Variants in CSMD3 observed in about 807,000 individuals in gnomAD.
The protein encoded by CSMD3 is CUB and sushi domain-containing protein 3.
A neutral mutation model predicts 435.2 loss-of-function variants in CSMD3; 177 were observed. The ratio of observed to expected loss-of-function variants is 0.41; its 90% CI spans 0.36 to 0.46. CSMD3 has a LOEUF of 0.46. Ranked by LOEUF, CSMD3 falls within the 20% of genes least tolerant of loss-of-function variation. The pLI is 0.34. For synonymous variants in CSMD3, 1,656 were observed against 1,520.5 expected (o/e 1.09, Z -2.07); for missense variants, 4,265 against 4,504.6 (o/e 0.95, Z 1.52).
chr8:112,623,422 T>A (rs1834231630), intron 22 of CSMD3, among the ~76,000 whole-genome samples: 1 of 152,154 alleles, frequency 6.6e-6, no homozygotes, highest in East Asian at 1.9e-4. Flanking sequence ...ATTATGCATT[T>A]TATTCCTAAT....
chr8:112,731,887 T>C (rs540669173), intron 13 of CSMD3, among the ~76,000 whole-genome samples: 1 of 152,286 alleles, frequency 6.6e-6, no homozygotes, highest in South Asian at 2.1e-4. Context: ...AGATATATTA[T>C]ATCAACAGTA....
At chr8:112,875,851 T>C (rs558174170) in intron 10 of CSMD3, among the ~76,000 whole-genome samples, 1 of 152,264 alleles carries the variant, frequency 6.6e-6, no homozygotes, top group South Asian at 2.1e-4. Context: ...CTTCCCTGTA[T>C]TGGGTTAGAA....
chr8:112,704,452 G>A (rs531904428), intron 13 of CSMD3, among the ~76,000 whole-genome samples: 3 of 152,006 alleles, frequency 2.0e-5, no homozygotes, highest in Admixed American at 6.6e-5. Flanking sequence ...CTCTTAGATC[G>A]CAAATTTACA....
chr8:113,258,702 G>T lies in CSMD3; in HGVS notation c.514+19890C>A, dbSNP rs2093403356. Among the ~76,000 whole-genome samples, 3 of 152,250 alleles carry T rather than the reference G, an allele frequency of 2.0e-5. No individual in the cohort carries two copies. In the South Asian group the frequency reaches 6.2e-4, roughly 32 times the overall value. ...AAGCATATGTCTCAAAGGCTTAACGGAGCAGAGGAATATAACGGTTTTGAG... is the reference window on the plus strand; with the variant it reads ...AAGCATATGTCTCAAAGGCTTAACGTAGCAGAGGAATATAACGGTTTTGAG... On this transcript the variant is annotated intron_variant, in intron 3 of 70. Coordinates refer to ENST00000297405, the MANE Select transcript of CSMD3 (RefSeq NM_198123.2).
At chr8:113,329,923 T>C (rs941740688) in intron 1 of CSMD3, among the ~76,000 whole-genome samples, 3 of 152,196 alleles carry the variant, frequency 2.0e-5, no homozygotes, top group East Asian at 3.9e-4. Flanking sequence ...ATCTGAACTG[T>C]CTTACAAGAA....
chr8:113,333,082 T>C (rs1406349872), intron 1 of CSMD3, among the ~76,000 whole-genome samples: 1 of 151,748 alleles, frequency 6.6e-6, no homozygotes, highest in Non-Finnish European at 1.5e-5. Context: ...TAAATTCACA[T>C]TCAAGTATTT....
intron 38 of CSMD3, among the ~76,000 whole-genome samples, chr8:112,355,366 A>G (rs1826495911): frequency 6.6e-6 from 1 of 152,236 alleles, no homozygotes; most frequent in Admixed American, 6.5e-5. Context: ...TAATTAAACT[A>G]CAGAGTTTCT....
intron 13 of CSMD3, among the ~76,000 whole-genome samples, chr8:112,770,987 T>C (rs2078099094): frequency 6.6e-6 from 1 of 151,980 alleles, no homozygotes; most frequent in Non-Finnish European, 1.5e-5. Context: ...AAAAAAATGG[T>C]GGTTGCCTGT....
intron 1 of CSMD3, among the ~76,000 whole-genome samples, chr8:113,375,140 C>A (rs975327631): frequency 3.9e-5 from 6 of 152,072 alleles, no homozygotes; most frequent in Non-Finnish European, 7.4e-5. Flanking sequence ...TGGTGAAAAA[C>A]GATGTCATTC....
At chr8:112,857,297 T>G (rs946796858) in intron 11 of CSMD3, among the ~76,000 whole-genome samples, 1 of 151,760 alleles carries the variant, frequency 6.6e-6, no homozygotes, top group African/African-American at 2.4e-5. Context: ...GAAAATAATT[T>G]GCATTTGTTG....
At chr8:113,359,288 T>C (rs973696635) in intron 1 of CSMD3, among the ~76,000 whole-genome samples, 51 of 152,310 alleles carry the variant, frequency 3.3e-4, no homozygotes, top group African/African-American at 1.2e-3. Flanking sequence ...AGTCATTACA[T>C]CCCAAGTAGG....
At chr8:112,511,384 CTTTTTTTTTTT>C (rs34548150) in intron 28 of CSMD3, among the ~76,000 whole-genome samples, 3 of 72,404 alleles carry the variant, frequency 4.1e-5, no homozygotes, top group East Asian at 3.7e-4. Flanking sequence ...ATTTTCTTTT[CTTTTTTTTTTT>C]TTTTTTTTTT....
chr8:112,535,481 T>C (rs1825981224), intron 27 of CSMD3, among the ~76,000 whole-genome samples: 1 of 151,522 alleles, frequency 6.6e-6, no homozygotes, highest in South Asian at 2.1e-4. Flanking sequence ...GAAGGACCTC[T>C]TCAAGGAGAA....
At chr8:112,632,578 T>A (rs1563790426) in intron 22 of CSMD3, among the ~76,000 whole-genome samples, 1 of 152,054 alleles carries the variant, frequency 6.6e-6, no homozygotes, top group East Asian at 1.9e-4. Context: ...AAACAACATG[T>A]TCTTTCATTA....
At chr8:112,799,409 G>C (rs2078908200) in intron 13 of CSMD3, among the ~76,000 whole-genome samples, 1 of 151,906 alleles carries the variant, frequency 6.6e-6, no homozygotes, top group Non-Finnish European at 1.5e-5. Context: ...CAATAGTAAT[G>C]ATAATTCAAG....
intron 56 of CSMD3, 151 bp downstream of exon 56, chr8:112,291,359 A>G: frequency 1.6e-6 from 1 of 624,106 alleles, no homozygotes; most frequent in Non-Finnish European, 2.7e-6. Context: ...GAATTTGCAA[A>G]ATATAGAAAA....
intron 13 of CSMD3, among the ~76,000 whole-genome samples, chr8:112,769,662 A>C (rs1219054637): frequency 6.6e-6 from 1 of 151,934 alleles, no homozygotes; most frequent in Non-Finnish European, 1.5e-5. Context: ...CAATAATTAC[A>C]CTTTTAGAAA....
At chr8:112,638,973 G>T in intron 20 of CSMD3, 62 bp from the exon 21 acceptor site, 2 of 1,151,200 alleles carry the variant, frequency 1.7e-6, no homozygotes, top group Non-Finnish European at 2.6e-6. Flanking sequence ...GAGAGTTACT[G>T]TCAAACTAAC....
chr8:112,247,321 T>C (rs1211063066), intron 63 of CSMD3, among the ~76,000 whole-genome samples, 190 bp from the exon 64 acceptor site: 1 of 152,188 alleles, frequency 6.6e-6, no homozygotes, highest in African/African-American at 2.4e-5. Context: ...CCTGGCTTTA[T>C]TTGTTTACAT....
Sources: allele counts gnomAD v4.1 joint callset (sites outside exome capture counted in the v4.1 genomes callset), GRCh38; gene constraint gnomAD v4.1.1; transcripts MANE v1.5; gene names NCBI Gene and HGNC (gene_info 2026-07-23, HGNC 2026-07-21).